Variants in ADGRV1 observed in about 807,000 individuals in gnomAD.
The protein encoded by ADGRV1 is G-protein coupled receptor 98.
Under a neutral mutation model 596.2 loss-of-function variants are expected in ADGRV1, and 359 were observed. The observed-to-expected ratio is 0.60, with a 90% CI of 0.55 to 0.66. ADGRV1 has a LOEUF of 0.66. ADGRV1 is among the 30% of genes least tolerant of loss of function. The probability of loss-of-function intolerance (pLI) is 0.00; values close to 1 mark genes in which losing one functional copy is unlikely to be tolerated. For missense variants in ADGRV1, 7,274 were observed against 7,575.6 expected (o/e 0.96, Z 1.48); for synonymous variants, 2,681 against 2,679.2 (o/e 1.00, Z -0.02).
At chr5:90,920,302 C>T (rs1039845213) in intron 83 of ADGRV1, among the ~76,000 whole-genome samples, 2 of 152,172 alleles carry the variant, frequency 1.3e-5, no homozygotes, top group Non-Finnish European at 2.9e-5. Flanking sequence ...GCAAGAGGAA[C>T]CCTCATGACC....
intron 83 of ADGRV1, among the ~76,000 whole-genome samples, chr5:90,962,232 G>A (rs1331754760): frequency 1.3e-5 from 2 of 152,222 alleles, no homozygotes; most frequent in African/African-American, 4.8e-5. Flanking sequence ...GGGAAAACAT[G>A]TAGCGCCATG....
At chr5:91,003,467 C>T (rs1019000535) in intron 85 of ADGRV1, among the ~76,000 whole-genome samples, 3 of 152,148 alleles carry the variant, frequency 2.0e-5, no homozygotes, top group Non-Finnish European at 2.9e-5. Context: ...TTTTATATGA[C>T]TATCTGACAG....
chr5:90,627,817 A>T, intron 7 of ADGRV1, 41 bp downstream of exon 7: 1 of 1,237,080 alleles, frequency 8.1e-7, no homozygotes, highest in South Asian at 1.7e-5. Context: ...TTATTTTATT[A>T]TATTATTCCA....
intron 32 of ADGRV1, among the ~76,000 whole-genome samples, chr5:90,693,677 A>G (rs1228411233): frequency 6.6e-6 from 1 of 152,244 alleles, no homozygotes; most frequent in African/African-American, 2.4e-5. Flanking sequence ...CTTGGTTAAA[A>G]ATAAGTGTTG....
chr5:90,825,499 T>C (rs1763997786), intron 76 of ADGRV1, among the ~76,000 whole-genome samples: 1 of 152,230 alleles, frequency 6.6e-6, no homozygotes, highest in African/African-American at 2.4e-5. Flanking sequence ...TACTAAATAT[T>C]ATATTGTGCA....
intron 78 of ADGRV1, among the ~76,000 whole-genome samples, chr5:90,841,743 A>G (rs939433543): frequency 1.3e-5 from 2 of 152,248 alleles, no homozygotes; most frequent in Admixed American, 6.5e-5. Context: ...ATACCCATGA[A>G]TGTATAATTA....
At chr5:90,659,742 A>C (rs1441742735) in intron 21 of ADGRV1, among the ~76,000 whole-genome samples, 1 of 152,210 alleles carries the variant, frequency 6.6e-6, no homozygotes, top group Non-Finnish European at 1.5e-5. Context: ...AAAGTAAAAG[A>C]TAGAAACAGG....
At chr5:91,002,238 C>G (rs1781910891) in intron 85 of ADGRV1, among the ~76,000 whole-genome samples, 1 of 152,062 alleles carries the variant, frequency 6.6e-6, no homozygotes, top group Admixed American at 6.6e-5. Flanking sequence ...CTTACACAGT[C>G]TATTTGCTAT....
chr5:90,890,761 C>T (rs1034648280), intron 83 of ADGRV1, among the ~76,000 whole-genome samples: 2 of 152,100 alleles, frequency 1.3e-5, no homozygotes, highest in African/African-American at 4.8e-5. Context: ...TTAAATTGTT[C>T]TCTAAAGACA....
intron 83 of ADGRV1, among the ~76,000 whole-genome samples, chr5:90,922,549 C>T (rs1470424154): frequency 6.6e-6 from 1 of 152,140 alleles, no homozygotes; most frequent in African/African-American, 2.4e-5. Context: ...GTCTGGAAAG[C>T]TATTTTTCCC....
At chr5:90,636,756 G>A (rs1290574899) in intron 10 of ADGRV1, among the ~76,000 whole-genome samples, 4 of 151,556 alleles carry the variant, frequency 2.6e-5, no homozygotes, top group African/African-American at 9.7e-5. Context: ...ACGATTGTTA[G>A]CTGAAGTAGC....
At chr5:91,010,680 A>G (rs191074054) in intron 85 of ADGRV1, among the ~76,000 whole-genome samples, 1 of 152,148 alleles carries the variant, frequency 6.6e-6, no homozygotes, top group Non-Finnish European at 1.5e-5. Context: ...TACAGTGGAA[A>G]CCTTCTGTAA....
At chr5:90,938,128 A>G (rs544464169) in intron 83 of ADGRV1, among the ~76,000 whole-genome samples, 1 of 152,244 alleles carries the variant, frequency 6.6e-6, no homozygotes, top group South Asian at 2.1e-4. Context: ...TTTAGAGTGG[A>G]CTTTCCTGCT....
At chr5:90,859,646 A>T (rs1359298346) in intron 82 of ADGRV1, among the ~76,000 whole-genome samples, 1 of 152,106 alleles carries the variant, frequency 6.6e-6, no homozygotes, top group Non-Finnish European at 1.5e-5. Flanking sequence ...CACTTAGGAT[A>T]GTTTAACACA....
chr5:90,651,259 A>C (rs1403281717), intron 17 of ADGRV1, among the ~76,000 whole-genome samples: 1 of 152,218 alleles, frequency 6.6e-6, no homozygotes, highest in African/African-American at 2.4e-5. Context: ...TTATGTTTTT[A>C]ATTTCTAATT....
intron 58 of ADGRV1, 82 bp downstream of exon 58, chr5:90,759,670 G>A (rs1756249219): frequency 1.5e-6 from 2 of 1,321,998 alleles, no homozygotes; most frequent in Middle Eastern, 2.2e-4. Flanking sequence ...TCACATTTTT[G>A]TTTTGGAAGT....
chr5:91,020,673 T>A (rs116624629), intron 85 of ADGRV1, among the ~76,000 whole-genome samples: 1 of 152,106 alleles, frequency 6.6e-6, no homozygotes, highest in South Asian at 2.1e-4. Context: ...TTCACATCCA[T>A]CAAGATGGCT....
At chr5:90,727,101 TG>T (rs1188809615) in intron 48 of ADGRV1, among the ~76,000 whole-genome samples, 1 of 151,784 alleles carries the variant, frequency 6.6e-6, no homozygotes, top group Non-Finnish European at 1.5e-5. Flanking sequence ...TTTTTATTAG[TG>T]GGGGGGATGG....
At chr5:90,814,462 C>G (rs1263379071) in intron 74 of ADGRV1, among the ~76,000 whole-genome samples, 1 of 152,164 alleles carries the variant, frequency 6.6e-6, no homozygotes, top group East Asian at 1.9e-4. Context: ...TGTCCCCACT[C>G]AATTTTCATC....
Sources: gnomAD v4.1 joint callset for allele counts (sites outside exome capture counted in the v4.1 genomes callset) on GRCh38, gnomAD v4.1.1 for gene constraint, MANE v1.5 for transcripts, NCBI Gene and HGNC (gene_info 2026-07-23, HGNC 2026-07-21) for gene names.